Variants in TENM1 observed in about 807,000 individuals in gnomAD.
TENM1 encodes the protein teneurin transmembrane protein 1, also known as teneurin-1.
In TENM1, 35 loss-of-function variants were observed where a neutral mutation model predicts 174.8. The ratio of observed to expected loss-of-function variants is 0.20; its 90% confidence interval spans 0.15 to 0.27. The LOEUF is 0.27. Among genes scored for constraint, TENM1 ranks in the 10% least tolerant of loss-of-function variants. The pLI is 1.00. For missense variants in TENM1, 1,633 were observed against 2,130.1 expected (o/e 0.77, Z 4.59); for synonymous variants, 781 against 798.7 (o/e 0.98, Z 0.37).
chrX:124,975,585 CTG>C, the TENM1 span, among the ~76,000 whole-genome samples: 1 of 111,873 alleles, frequency 8.9e-6, no homozygotes, highest in Admixed American at 9.5e-5. Flanking sequence ...GAAATCAACA[CTG>C]TATCTGTAAC....
chrX:124,565,581 A>T (rs1453708740), intron 11 of TENM1, 21 bp from the exon 15 acceptor site: 1 of 1,054,436 alleles, frequency 9.5e-7, no homozygotes, highest in Admixed American at 2.9e-5. Context: ...TTCAAAGAAG[A>T]CATATTAACA....
the TENM1 span, among the ~76,000 whole-genome samples, chrX:125,057,261 C>T: frequency 4.5e-5 from 5 of 111,164 alleles, no homozygotes; most frequent in Admixed American, 3.9e-4. Context: ...TATACCCTCT[C>T]GGGCATGTGA....
intron 11 of TENM1, among the ~76,000 whole-genome samples, chrX:124,599,826 T>C (rs939704902): frequency 1.5e-4 from 16 of 110,061 alleles, no homozygotes; most frequent in Non-Finnish European, 2.5e-4. Flanking sequence ...AGTAAATATA[T>C]AAAGGATAAG....
At chrX:125,011,575 C>T in the TENM1 span, among the ~76,000 whole-genome samples, 2,226 of 111,701 alleles carry the variant, frequency 0.02, 14 homozygotes, top group East Asian at 0.067. Context: ...CAACAACAGA[C>T]ATATGAAAAA....
At chrX:124,828,091 G>C (rs2056208087) in intron 3 of TENM1, among the ~76,000 whole-genome samples, 1 of 111,342 alleles carries the variant, frequency 9.0e-6, no homozygotes, top group Non-Finnish European at 1.9e-5. Flanking sequence ...AGAGTAATCA[G>C]AAAGAAATGT....
At chrX:124,642,073 G>A in intron 10 of TENM1, 82 bp from the exon 14 acceptor site, 1 of 677,743 alleles carries the variant, frequency 1.5e-6, no homozygotes, top group Non-Finnish European at 2.4e-6. Flanking sequence ...ATGAAACGGA[G>A]ATTACATTGA....
intron 11 of TENM1, among the ~76,000 whole-genome samples, chrX:124,629,490 G>A (rs1221058236): frequency 8.9e-6 from 1 of 112,218 alleles, no homozygotes; most frequent in African/African-American, 3.2e-5. Context: ...TCTTTACATT[G>A]AGAATTGACA....
At chrX:124,498,701 T>A (rs2047258831) in intron 19 of TENM1, among the ~76,000 whole-genome samples, 1 of 109,139 alleles carries the variant, frequency 9.2e-6, no homozygotes, top group Non-Finnish European at 1.9e-5. Flanking sequence ...CCAGGCAGAG[T>A]CAGTTACTCC....
intron 11 of TENM1, among the ~76,000 whole-genome samples, chrX:124,575,628 A>G (rs2049149608): frequency 8.9e-6 from 1 of 112,255 alleles, no homozygotes; most frequent in South Asian, 3.7e-4. Context: ...GATTTCCTTT[A>G]TAAAGGAACT....
chrX:124,706,946 CT>C (rs1190388752), intron 4 of TENM1, among the ~76,000 whole-genome samples: 7,318 of 87,817 alleles, frequency 0.083, 255 homozygotes, highest in African/African-American at 0.14. Flanking sequence ...AGTCCTTAAT[CT>C]TTTTTTTTTT....
intron 11 of TENM1, among the ~76,000 whole-genome samples, chrX:124,614,157 T>C (rs1171526024): frequency 8.9e-6 from 1 of 111,830 alleles, no homozygotes. Context: ...TCTCATAATA[T>C]GGAACAGAGT....
chrX:125,065,186 AAC>A, the TENM1 span, among the ~76,000 whole-genome samples: 4 of 112,223 alleles, frequency 3.6e-5, no homozygotes, highest in Non-Finnish European at 7.5e-5. Context: ...ACAGGTCAAA[AAC>A]ACAGGTCATG....
Position 124,521,783 on chromosome X carries a change from G to T in TENM1, c.3034-999C>A, listed in dbSNP as rs143178711. On this transcript the variant is annotated intron_variant, in intron 17 of 31. Transcript: ENST00000422452. ...TTCTCTCTTACTTTTCCAAACTTGT[G>T]CACATAGAAGAACTGATTGTTAAAC... Among the ~76,000 whole-genome samples the T allele has an allele frequency of 5.7e-3, 635 of 111,886 alleles. 3 individuals are homozygous for T. Among genetic ancestry groups the T allele is most frequent in the Non-Finnish European group, 8.9e-3 (472 of 53,124 alleles).
At chrX:125,186,535 C>T in the TENM1 span, among the ~76,000 whole-genome samples, 1 of 107,286 alleles carries the variant, frequency 9.3e-6, no homozygotes, top group Non-Finnish European at 1.9e-5. Context: ...CCTTATCATG[C>T]AAGTAAGTTC....
chrX:124,743,381 G>A (rs1036830648), intron 3 of TENM1, among the ~76,000 whole-genome samples: 4 of 111,772 alleles, frequency 3.6e-5, no homozygotes, highest in Admixed American at 9.5e-5. Flanking sequence ...AAGTCCATTC[G>A]ATAGGTAATG....
chrX:125,131,251 A>G, the TENM1 span, among the ~76,000 whole-genome samples: 21 of 111,751 alleles, frequency 1.9e-4, 1 homozygote, highest in Non-Finnish European at 3.8e-4. Context: ...TCACATTTTC[A>G]TGTATCTGTC....
chrX:124,417,797 T>C (rs1014197157), intron 25 of TENM1, among the ~76,000 whole-genome samples: 1 of 111,883 alleles, frequency 8.9e-6, no homozygotes, highest in African/African-American at 3.2e-5. Context: ...TATAATATGT[T>C]CCTTGTATAG....
the TENM1 span, among the ~76,000 whole-genome samples, chrX:125,190,030 C>G: frequency 1.8e-5 from 2 of 111,242 alleles, no homozygotes; most frequent in Non-Finnish European, 3.8e-5. Flanking sequence ...TGCTTTGAAA[C>G]TCCTAATGCA....
chrX:124,521,578 T>C (rs1262362350), intron 17 of TENM1, among the ~76,000 whole-genome samples: 7 of 112,134 alleles, frequency 6.2e-5, no homozygotes, highest in Non-Finnish European at 7.5e-5. Context: ...ACTTGTTTGC[T>C]TATCACCACA....
Sources: gnomAD v4.1 joint callset for allele counts (sites outside exome capture counted in the v4.1 genomes callset) on GRCh38, gnomAD v4.1.1 for gene constraint, MANE v1.5 for transcripts, NCBI Gene and HGNC (gene_info 2026-07-23, HGNC 2026-07-21) for gene names.